The following COL23A1 variants were observed in gnomAD, a reference collection of about 807,000 sequenced individuals.
COL23A1 encodes collagen type XXIII alpha 1 chain, also known as collagen alpha-1(XXIII) chain.
Under a neutral mutation model 99.3 loss-of-function variants are expected in COL23A1, and 97 were observed. That is an observed-to-expected ratio of 0.98 (90% CI 0.83 to 1.16). The LOEUF is 1.16. Ranked by LOEUF, COL23A1 falls within the 50% of genes most tolerant of loss-of-function variation. COL23A1 has a pLI of 0.00. For synonymous variants in COL23A1, 320 were observed against 308.2 expected, an observed-to-expected ratio of 1.04 and a Z score of -0.40; for missense variants, 762 against 757.4, an observed-to-expected ratio of 1.01 and a Z score of -0.07.
intron 2 of COL23A1, among the ~76,000 whole-genome samples, chr5:178,486,640 A>G (rs912674622): frequency 6.6e-6 from 1 of 152,242 alleles, no homozygotes; most frequent in Admixed American, 6.5e-5. Context: ...TGGACCACAA[A>G]CATGAAGCCC....
chr5:178,460,050 T>C (rs942047815), intron 2 of COL23A1, among the ~76,000 whole-genome samples: 2 of 152,172 alleles, frequency 1.3e-5, no homozygotes, highest in African/African-American at 4.8e-5. Flanking sequence ...TGCCTTAGTT[T>C]ATAATTATAG....
At chr5:178,383,599 G>A (rs1581273027) in intron 2 of COL23A1, among the ~76,000 whole-genome samples, 1 of 152,224 alleles carries the variant, frequency 6.6e-6, no homozygotes, top group African/African-American at 2.4e-5. Flanking sequence ...GTGGGCTTGG[G>A]GTTGGAGAAG....
At chr5:178,413,409 T>C (rs1055779959) in intron 2 of COL23A1, among the ~76,000 whole-genome samples, 14 of 152,348 alleles carry the variant, frequency 9.2e-5, no homozygotes, top group Admixed American at 7.8e-4. Context: ...TTACCTTGAA[T>C]TCAACGAGTC....
Position 178,246,377 on chromosome 5 carries a change from C to A in COL23A1, c.1359+14G>T. On this transcript the variant is annotated intron_variant, in intron 23 of 28. Transcript: ENST00000390654. Reference sequence around the variant, plus strand: ...ATTAACACCTTTGGGACAAACAACGCTTGTGAGACTCACAGGCAGGCCGCT... The same window carrying A: ...ATTAACACCTTTGGGACAAACAACGATTGTGAGACTCACAGGCAGGCCGCT... 1 of 1,574,316 alleles carries A rather than the reference C, an allele frequency of 6.4e-7. No homozygotes were observed. Among genetic ancestry groups the A allele is most frequent in the Non-Finnish European group, 8.6e-7 (1 of 1,158,906 alleles).
intron 2 of COL23A1, among the ~76,000 whole-genome samples, chr5:178,552,292 G>A (rs1762038824): frequency 6.6e-6 from 1 of 152,102 alleles, no homozygotes; most frequent in Admixed American, 6.6e-5. Context: ...GGGTAGGAGA[G>A]ACGAATGAAT....
At chr5:178,432,172 A>G (rs1383657635) in intron 2 of COL23A1, among the ~76,000 whole-genome samples, 1 of 152,256 alleles carries the variant, frequency 6.6e-6, no homozygotes, top group Admixed American at 6.5e-5. Flanking sequence ...GGTAACTTAT[A>G]GAACCCTTTC....
intron 5 of COL23A1, among the ~76,000 whole-genome samples, chr5:178,277,316 T>C (rs1756644852): frequency 6.6e-6 from 1 of 152,308 alleles, no homozygotes; most frequent in African/African-American, 2.4e-5. Context: ...CAGTGAGCTA[T>C]GATGGCACCA....
intron 2 of COL23A1, among the ~76,000 whole-genome samples, chr5:178,401,939 C>T (rs186583670): frequency 3.4e-4 from 51 of 152,236 alleles, no homozygotes; most frequent in African/African-American, 1.2e-3. Context: ...CCTCAGCCTC[C>T]CAAGTAGCTG....
rs1581461048 is a variant in COL23A1 at position 178,255,484 on chromosome 5, G to C, written c.883-458C>G. On this transcript the variant is annotated intron_variant, in intron 15 of 28. Coordinates refer to ENST00000390654, the MANE Select transcript of COL23A1 (RefSeq NM_173465.4). The surrounding 1 kb of genome is among the most constrained non-coding windows in gnomAD (Gnocchi z 4.2). ...ACACGCCTATTCCCGCCTGGTTACAGGTGCATGTCAGCATGCCCATGTCCA... is the reference window on the plus strand; with the variant it reads ...ACACGCCTATTCCCGCCTGGTTACACGTGCATGTCAGCATGCCCATGTCCA... 6.6e-6 allele frequency among the ~76,000 whole-genome samples: 1 copy of C among 152,154 alleles called. No individual in the cohort carries two copies. Among genetic ancestry groups the C allele is most frequent in the African/African-American group, 2.4e-5 (1 of 41,442 alleles).
In COL23A1 at chr5:178,590,180, G is replaced by A. The variant is rs1562119904; in HGVS notation, c.18C>T (p.Arg6=). The change falls in exon 1 of 29, where the codon CGC becomes CGT. Residue 6 remains arginine (R), a synonymous_variant. Coordinates refer to ENST00000390654, the MANE Select transcript of COL23A1 (RefSeq NM_173465.4). The surrounding 1 kb of genome is among the most constrained non-coding windows in gnomAD (Gnocchi z 5.7). The part of the protein sequence containing the change: MGPGE[R]AGGGGDAGKG... ...TCCCCGCGTCGCCGCCGCCACCGGC[G>A]CGCTCGCCTGGGCCCATGGCGCGTT... is the stretch of plus-strand genomic sequence containing the variant. 5.7e-6 allele frequency: 7 copies of A among 1,219,728 alleles called. No individual in the cohort carries two copies. The highest frequency in any genetic ancestry group is 7.1e-6 in the Non-Finnish European group (7 of 983,982). 75.6% of individuals were successfully genotyped at this position (1,219,728 alleles called of 1,614,324 possible). A position where few individuals can be genotyped will look rare whatever the true frequency, so the allele number is the denominator to read the frequency against.
rs573886715 is a variant in COL23A1 at position 178,314,235 on chromosome 5, C to A, written c.362-7316G>T. Among the ~76,000 whole-genome samples, 31 of 149,898 alleles carry A rather than the reference C, an allele frequency of 2.1e-4. 1 individual carries two copies. The South Asian group carries it at 6.4e-3, about 31-fold the overall frequency. On this transcript the variant is annotated intron_variant, in intron 2 of 28. Coordinates refer to ENST00000390654, the MANE Select transcript of COL23A1 (RefSeq NM_173465.4). ...ATTCCGAAGCTGCTTACGTCCCCCC[C>A]AGAGTCATCTTCCACCATCCATCAT...
At chr5:178,330,591 T>C (rs1037242638) in intron 2 of COL23A1, among the ~76,000 whole-genome samples, 2 of 151,822 alleles carry the variant, frequency 1.3e-5, no homozygotes, top group Non-Finnish European at 2.9e-5. Context: ...GAGTTTGAGG[T>C]TGCAGTGAGC....
intron 2 of COL23A1, among the ~76,000 whole-genome samples, chr5:178,448,379 C>T (rs970200166): frequency 1.5e-4 from 20 of 130,662 alleles, no homozygotes; most frequent in Non-Finnish European, 2.8e-4. Flanking sequence ...TAGTGCTAGT[C>T]GCAGTCCGTT....
intron 27 of COL23A1, among the ~76,000 whole-genome samples, chr5:178,239,410 CTG>C (rs1235682564): frequency 1.3e-5 from 2 of 152,236 alleles, no homozygotes; most frequent in Non-Finnish European, 2.9e-5. Context: ...TGTGTTCCCT[CTG>C]TGCTTTGTGG....
intron 2 of COL23A1, among the ~76,000 whole-genome samples, chr5:178,503,647 T>C (rs552324986): frequency 3.3e-5 from 5 of 152,144 alleles, no homozygotes; most frequent in Admixed American, 6.5e-5. Flanking sequence ...TGCCTGTGTG[T>C]GCGAAAAGGG....
rs116195782 is a variant in COL23A1 at position 178,527,263 on chromosome 5, C to T, written c.361+33419G>A. ...CCTGGGGCTGGTCTGAGCTGACTGA[C>T]ACTCACCCTCGCCCTGAGAGCTCTC... On this transcript the variant is annotated intron_variant, in intron 2 of 28. Coordinates refer to ENST00000390654, the MANE Select transcript of COL23A1 (RefSeq NM_173465.4). 5.9e-3 allele frequency among the ~76,000 whole-genome samples: 895 copies of T among 152,308 alleles called. 4 individuals carry two copies. The highest frequency in any genetic ancestry group is 7.9e-3 in the Non-Finnish European group (535 of 68,012).
intron 2 of COL23A1, among the ~76,000 whole-genome samples, chr5:178,417,301 GCA>G (rs1173657784): frequency 6.6e-6 from 1 of 152,186 alleles, no homozygotes. Flanking sequence ...ACACATGTGT[GCA>G]CACACATGCC....
intron 5 of COL23A1, among the ~76,000 whole-genome samples, chr5:178,277,925 G>A (rs1018386519): frequency 9.2e-5 from 14 of 152,322 alleles, no homozygotes; most frequent in Non-Finnish European, 2.1e-4. Context: ...GAGGATGGAG[G>A]ATGGGACCGG....
At chr5:178,472,879 C>A (rs773633797) in intron 2 of COL23A1, among the ~76,000 whole-genome samples, 9 of 152,152 alleles carry the variant, frequency 5.9e-5, no homozygotes, top group Non-Finnish European at 1.3e-4. Context: ...AATCCCAACA[C>A]TTTGGGAGGC....
Sources: gnomAD v4.1 joint callset for allele counts (sites outside exome capture counted in the v4.1 genomes callset) on GRCh38, gnomAD v4.1.1 for gene constraint, Gnocchi (gnomAD v3.1) non-coding constraint, MANE v1.5 for transcripts, NCBI Gene and HGNC (gene_info 2026-07-23, HGNC 2026-07-21) for gene names.